The following IL17C variants were observed in gnomAD, a reference collection of about 807,000 sequenced individuals.
IL17C encodes interleukin-17C.
In IL17C, 13 loss-of-function variants were observed where a neutral mutation model predicts 11.0. The ratio of observed to expected loss-of-function variants is 1.18; its 90% CI spans 0.77 to 1.88. The LOEUF is 1.88. Among genes scored for constraint, IL17C ranks in the 40% most tolerant of loss-of-function variants. The probability of loss-of-function intolerance (pLI) is 0.00; values close to 1 mark genes in which losing one functional copy is unlikely to be tolerated. For synonymous variants in IL17C, 150 were observed against 125.8 expected (o/e 1.19, Z -1.29); for missense variants, 357 against 278.2 (o/e 1.28, Z -2.01).
Position 88,639,480 on chromosome 16 carries a change from G to A in IL17C, c.335+171G>A, listed in dbSNP as rs372609510. The stretch of plus-strand genomic sequence containing the variant: ...CCTGGACGGCTGAGCTGCTGCTTGC[G>A]GCTGGCCGTGCCCTGCCTCCCACTG... On this transcript the variant is annotated intron_variant, in intron 2 of 2. Coordinates refer to ENST00000244241, the MANE Select transcript of IL17C (RefSeq NM_013278.4). This position sits in a 1 kb window ranked among gnomAD's most constrained non-coding sequence, Gnocchi z 5.1. Among the ~76,000 whole-genome samples, 72 of 152,296 alleles carry A rather than the reference G, an allele frequency of 4.7e-4. 2 individuals carry two copies. In the South Asian group the frequency reaches 9.5e-3, roughly 20 times the overall value.
chr16:88,640,170 C>A lies in IL17C; in HGVS notation c.*98C>A. On this transcript the variant is annotated 3_prime_UTR_variant, in exon 3 of 3. Coordinates refer to ENST00000244241, the MANE Select transcript of IL17C (RefSeq NM_013278.4). ...ATTGTTATTTATATGCCTCCCCCAA[C>A]ACTACCCTTGGGGTCTGGGCATTCC... 7.5e-6 allele frequency: 10 copies of A among 1,342,122 alleles called. No homozygotes were observed. Among genetic ancestry groups the A allele is most frequent in the Non-Finnish European group, 1.0e-5 (10 of 995,012 alleles). The allele number at this position is 1,342,122 out of a possible 1,614,324, so 83.1% of individuals were successfully genotyped here. A position where few individuals can be genotyped will look rare whatever the true frequency, so the allele number is the denominator to read the frequency against.
Position 88,640,230 on chromosome 16 carries a change from C to A in IL17C, c.*158C>A. 1 of 754,782 alleles carries A rather than the reference C, an allele frequency of 1.3e-6. No individual in the cohort carries two copies. The highest frequency in any genetic ancestry group is 2.0e-6 in the Non-Finnish European group (1 of 493,082). 46.8% of individuals were successfully genotyped at this position (754,782 alleles called of 1,614,324 possible). The stretch of plus-strand genomic sequence containing the variant: ...GAGGACAGCCCCCCACTGTTCTCCT[C>A]ATCTCCAGCCTCAGTAGTTGGGGGT... On this transcript the variant is annotated 3_prime_UTR_variant, in exon 3 of 3. Transcript: ENST00000244241.
At chr16:88,638,862 C>A in intron 1 of IL17C, 119 bp from the exon 2 acceptor site, 1 of 1,187,654 alleles carries the variant, frequency 8.4e-7, no homozygotes, top group Non-Finnish European at 1.2e-6. Context: ...TTCAGTTTCC[C>A]CATCTATAGA....
rs1311495668 is a variant in IL17C, at chr16:88,639,452, T to A, written c.335+143T>A. The A allele has an allele frequency of 3.6e-6, 3 of 840,150 alleles. No individual in the cohort carries two copies. The East Asian group carries it at 8.2e-5, about 23-fold the overall frequency. The allele number at this position is 840,150 out of a possible 1,614,324, so 52.0% of individuals were successfully genotyped here. A position where few individuals can be genotyped will look rare whatever the true frequency, so the allele number is the denominator to read the frequency against. On this transcript the variant is annotated intron_variant, in intron 2 of 2. Coordinates refer to ENST00000244241, the MANE Select transcript of IL17C (RefSeq NM_013278.4). This position sits in a 1 kb window ranked among gnomAD's most constrained non-coding sequence, Gnocchi z 5.1. ...CTGAGCTCCCTCCCTCCGGCCCTCCTGACCTGGACGGCTGAGCTGCTGCTT... is the reference window on the plus strand; with the variant it reads ...CTGAGCTCCCTCCCTCCGGCCCTCCAGACCTGGACGGCTGAGCTGCTGCTT...
chr16:88,639,851 G>A lies in IL17C; in HGVS notation c.373G>A (p.Ala125Thr). ...TGAGGACCGCTATCCACAGAAGCTG[G>A]CCTTCGCCGAGTGCCTGTGCAGAGG... ...TDEDRYPQKL[A>T]FAECLCRGCI... is the part of the protein sequence containing the mutation. The change falls in exon 3 of 3, where the codon GCC becomes ACC. Residue 125 changes from alanine (A) to threonine (T), a missense_variant. Ala to Thr is a moderately conservative substitution (Grantham distance 58). Transcript: ENST00000244241. This position sits in a 1 kb window ranked among gnomAD's most constrained non-coding sequence, Gnocchi z 5.1. The A allele has an allele frequency of 6.3e-7, 1 of 1,589,586 alleles. No individual in the cohort carries two copies. The highest frequency in any genetic ancestry group is 8.6e-7 in the Non-Finnish European group (1 of 1,169,178).
At position 88,640,018 on chromosome 16, in the gene IL17C, C is replaced by T. The variant is rs201677988; in HGVS notation, c.540C>T (p.Thr180=). 1.7e-5 allele frequency: 28 copies of T among 1,600,400 alleles called. No individual in the cohort carries two copies. The highest frequency in any genetic ancestry group is 2.2e-5 in the South Asian group (2 of 90,138). Residue 180 remains threonine, a synonymous_variant, in exon 3 of 3, where the codon ACC becomes ACT. Transcript: ENST00000244241. ...LPTPGAFAFH[T]EFIHVPVGCT... is the part of the protein sequence containing the mutation. ...CACCTGGGGCCTTTGCCTTCCACAC[C>T]GAGTTCATCCACGTCCCCGTCGGCT...
chr16:88,639,088 G>A lies in IL17C; in HGVS notation c.114G>A (p.Ser38=), dbSNP rs181811362. ...GTCACGGTACCCCACACTGCTACTC[G>A]GCTGAGGAACTGCCCCTCGGCCAGG... ...PHSHGTPHCY[S]AEELPLGQAP... is the part of the protein sequence containing the mutation. The change falls in exon 2 of 3, where the codon TCG becomes TCA. Residue 38 remains serine, a synonymous_variant. Transcript: ENST00000244241. The surrounding 1 kb of genome is among the most constrained non-coding windows in gnomAD (Gnocchi z 5.1). 9,471 of 1,613,214 alleles carry A rather than the reference G, an allele frequency of 5.9e-3. 48 individuals are homozygous for A. The highest frequency in any genetic ancestry group is 6.9e-3 in the Non-Finnish European group (8,200 of 1,179,934).
rs1907014444 is a variant in IL17C at position 88,639,987 on chromosome 16, T to C, written c.509T>C (p.Leu170Pro). 2 of 1,609,056 alleles carry C rather than the reference T, an allele frequency of 1.2e-6. No homozygotes were observed. The highest frequency in any genetic ancestry group is 1.7e-6 in the Non-Finnish European group (2 of 1,177,872). ...CCCTGCTCCCGCGACGGCTCGGGGC[T>C]CCCCACACCTGGGGCCTTTGCCTTC... Reference protein sequence around the residue: ...RRPCSRDGSGLPTPGAFAFHT... With the variant: ...RRPCSRDGSGPPTPGAFAFHT... The change falls in exon 3 of 3, where the codon CTC (leucine) becomes CCC (proline). Residue 170 changes from leucine (L) to proline (P), a missense_variant. Transcript: ENST00000244241. This position sits in a 1 kb window ranked among gnomAD's most constrained non-coding sequence, Gnocchi z 5.1.
chr16:88,638,611 T>C lies in IL17C; in HGVS notation c.-31T>C, dbSNP rs768954102. The C allele has an allele frequency of 6.2e-7, 1 of 1,611,912 alleles. No individual in the cohort carries two copies. The highest frequency in any genetic ancestry group is 8.5e-7 in the Non-Finnish European group (1 of 1,179,916). On this transcript the variant is annotated 5_prime_UTR_variant, in exon 1 of 3. Transcript: ENST00000244241. Reference sequence around the variant, plus strand: ...GATTGCCGCCAGGTGTGCAGGCCGCTCCAAGCCCAGCCTGCCCCGCTGCCG... The same window carrying C: ...GATTGCCGCCAGGTGTGCAGGCCGCCCCAAGCCCAGCCTGCCCCGCTGCCG...
At chr16:88,638,835 G>A (rs2142863623) in intron 1 of IL17C, 146 bp from the exon 2 acceptor site, 1 of 1,161,106 alleles carries the variant, frequency 8.6e-7, no homozygotes, top group Non-Finnish European at 1.3e-6. Flanking sequence ...TGGGCTGAAG[G>A]GCTAGCCTCT....
In IL17C at chr16:88,639,655, TACC is replaced by T. The variant is rs1906999558; in HGVS notation, c.336-153_336-151del. On this transcript the variant is annotated intron_variant, in intron 2 of 2. Transcript: ENST00000244241. This position sits in a 1 kb window ranked among gnomAD's most constrained non-coding sequence, Gnocchi z 5.1. ...TGGAGGGCCCTGGGGAGACGTGGAT[TACC>T]ACCACATGTGAGCCCGACTGCACCC... Among the ~76,000 whole-genome samples the T allele has an allele frequency of 6.6e-6, 1 of 152,138 alleles. No homozygotes were observed. Among genetic ancestry groups the T allele is most frequent in the Non-Finnish European group, 1.5e-5 (1 of 68,012 alleles).
Position 88,639,829 on chromosome 16 carries a change from G to A in IL17C, c.351G>A (p.Glu117=), listed in dbSNP as rs1467824963. ...CGTCCCGCAGTGTGGACACGGATGA[G>A]GACCGCTATCCACAGAAGCTGGCCT... is the stretch of plus-strand genomic sequence containing the variant. ...SPWRYRVDTD[E]DRYPQKLAFA... is the part of the protein sequence containing the mutation. The change falls in exon 3 of 3, where the codon GAG becomes GAA. Residue 117 remains glutamate (E), a synonymous_variant. Coordinates refer to ENST00000244241, the MANE Select transcript of IL17C (RefSeq NM_013278.4). This position sits in a 1 kb window ranked among gnomAD's most constrained non-coding sequence, Gnocchi z 5.1. 10 of 1,572,568 alleles carry A rather than the reference G, an allele frequency of 6.4e-6. No homozygotes were observed. Among genetic ancestry groups the A allele is most frequent in the Non-Finnish European group, 8.6e-6 (10 of 1,159,954 alleles).
Position 88,639,362 on chromosome 16 carries a change from G to C in IL17C, c.335+53G>C. 1 of 1,461,378 alleles carries C rather than the reference G, an allele frequency of 6.8e-7. No homozygotes were observed. Among genetic ancestry groups the C allele is most frequent in the Non-Finnish European group, 9.1e-7 (1 of 1,100,234 alleles). 90.5% of individuals were successfully genotyped at this position (1,461,378 alleles called of 1,614,324 possible). A position where few individuals can be genotyped will look rare whatever the true frequency, so the allele number is the denominator to read the frequency against. ...GTGGGGCTGCCCCTCCCCTGGCGGG[G>C]CCCTGACTGCCCGGAGAGCTCTCTG... On this transcript the variant is annotated intron_variant, in intron 2 of 2. Transcript: ENST00000244241. This position sits in a 1 kb window ranked among gnomAD's most constrained non-coding sequence, Gnocchi z 5.1.
rs372816981 is a variant in IL17C at position 88,639,327 on chromosome 16, C to A, written c.335+18C>A. On this transcript the variant is annotated intron_variant, in intron 2 of 2. Coordinates refer to ENST00000244241, the MANE Select transcript of IL17C (RefSeq NM_013278.4). This position sits in a 1 kb window ranked among gnomAD's most constrained non-coding sequence, Gnocchi z 5.1. ...AGATACCGGTGAGGACCTGGGGATT[C>A]CGCTGTGGCGTGGGGCTGCCCCTCC... 3.2e-6 allele frequency: 5 copies of A among 1,553,400 alleles called. No individual in the cohort carries two copies. In the African/African-American group the frequency reaches 5.4e-5, roughly 17 times the overall value.
In IL17C at chr16:88,639,122, C is replaced by T. The variant is rs772850833; in HGVS notation, c.148C>T (p.His50Tyr). The T allele has an allele frequency of 8.1e-6, 13 of 1,613,030 alleles. No homozygotes were observed. Among genetic ancestry groups the T allele is most frequent in the Admixed American group, 5.0e-5 (3 of 60,000 alleles). Residue 50 changes from histidine (H) to tyrosine (Y), a missense_variant, in exon 2 of 3, where the codon CAC (histidine) becomes TAC (tyrosine). Physicochemically the swap from His to Tyr is moderately conservative, Grantham distance 83. Coordinates refer to ENST00000244241, the MANE Select transcript of IL17C (RefSeq NM_013278.4). The surrounding 1 kb of genome is among the most constrained non-coding windows in gnomAD (Gnocchi z 5.1). ...EELPLGQAPPHLLARGAKWGQ... is the reference protein window; with the variant it reads ...EELPLGQAPPYLLARGAKWGQ... ...ACTGCCCCTCGGCCAGGCCCCCCCA[C>T]ACCTGCTGGCTCGAGGTGCCAAGTG...
rs1906987761 is a variant in IL17C, at chr16:88,639,286, C to A, written c.312C>A (p.Arg104=). Residue 104 remains arginine, a synonymous_variant, in exon 2 of 3, where the codon CGC becomes CGA. Transcript: ENST00000244241. This position sits in a 1 kb window ranked among gnomAD's most constrained non-coding sequence, Gnocchi z 5.1. ...TGTTGGAGGCAGACACCCACCAGCG[C>A]TCCATCTCACCCTGGAGATACCGGT... ...EEVLEADTHQ[R]SISPWRYRVD... 1.2e-6 allele frequency: 2 copies of A among 1,607,164 alleles called. No individual in the cohort carries two copies. Among genetic ancestry groups the A allele is most frequent in the African/African-American group, 1.3e-5 (1 of 74,894 alleles).
Position 88,640,098 on chromosome 16 carries a change from C to A in IL17C, c.*26C>A. On this transcript the variant is annotated 3_prime_UTR_variant, in exon 3 of 3. Transcript: ENST00000244241. ...CCGCCGAGGCCGTGGGGCCCCTAGACTGGACACGTGTGCTCCCCAGAGGGC... is the reference window on the plus strand; with the variant it reads ...CCGCCGAGGCCGTGGGGCCCCTAGAATGGACACGTGTGCTCCCCAGAGGGC... The A allele has an allele frequency of 6.5e-7, 1 of 1,527,176 alleles. No homozygotes were observed. The highest frequency in any genetic ancestry group is 1.3e-5 in the South Asian group (1 of 78,338). The allele number at this position is 1,527,176 out of a possible 1,614,324, so 94.6% of individuals were successfully genotyped here. A position where few individuals can be genotyped will look rare whatever the true frequency, so the allele number is the denominator to read the frequency against.
rs1002350676 is a variant in IL17C, at chr16:88,640,402, C to T, written c.*330C>T. On this transcript the variant is annotated 3_prime_UTR_variant, in exon 3 of 3. Coordinates refer to ENST00000244241, the MANE Select transcript of IL17C (RefSeq NM_013278.4). ...CCGCAGGCTGCCTCTTCCCAACCTCCTTGGAAGTACCCCTGTTTCTTAAAC... is the reference window on the plus strand; with the variant it reads ...CCGCAGGCTGCCTCTTCCCAACCTCTTTGGAAGTACCCCTGTTTCTTAAAC... 12 of 339,936 alleles carry T rather than the reference C, an allele frequency of 3.5e-5. No individual in the cohort carries two copies. Among genetic ancestry groups the T allele is most frequent in the South Asian group, 3.5e-4 (4 of 11,358 alleles). 21.1% of individuals were successfully genotyped at this position (339,936 alleles called of 1,614,324 possible).
At position 88,640,139 on chromosome 16, in the gene IL17C, G is replaced by C; in HGVS notation, c.*67G>C. On this transcript the variant is annotated 3_prime_UTR_variant, in exon 3 of 3. Transcript: ENST00000244241. ...CCCAGAGGGCACCCCCTATTTATGT[G>C]TATTTATTGTTATTTATATGCCTCC... is the stretch of plus-strand genomic sequence containing the variant. 8.1e-6 allele frequency: 12 copies of C among 1,478,810 alleles called. No individual in the cohort carries two copies. Among genetic ancestry groups the C allele is most frequent in the Non-Finnish European group, 1.1e-5 (12 of 1,110,278 alleles). The allele number at this position is 1,478,810 out of a possible 1,614,324, so 91.6% of individuals were successfully genotyped here.
Sources: gnomAD v4.1 joint callset for allele counts (sites outside exome capture counted in the v4.1 genomes callset) on GRCh38, gnomAD v4.1.1 for gene constraint, Gnocchi (gnomAD v3.1) non-coding constraint, MANE v1.5 for transcripts, NCBI Gene and HGNC (gene_info 2026-07-23, HGNC 2026-07-21) for gene names.